ITSN1: variants seen among roughly 807,000 people sequenced by gnomAD.
ITSN1 encodes intersectin-1.
A neutral mutation model predicts 239.8 loss-of-function variants in ITSN1; 58 were observed. The observed-to-expected ratio is 0.24, with a 90% CI of 0.20 to 0.30. The LOEUF is 0.30. Ranked by LOEUF, ITSN1 falls within the 10% of genes least tolerant of loss-of-function variation. The pLI, the probability that ITSN1 is intolerant of heterozygous loss-of-function variation, is 1.00. For synonymous variants in ITSN1, 780 were observed against 770.8 expected (o/e 1.01, Z -0.20); for missense variants, 1,558 against 2,103.3 (o/e 0.74, Z 5.07).
intron 1 of ITSN1, among the ~76,000 whole-genome samples, chr21:33,657,933 C>T (rs1483724482): frequency 6.6e-6 from 1 of 152,112 alleles, no homozygotes; most frequent in Non-Finnish European, 1.5e-5. Context: ...TTACAGTGAC[C>T]TGTGGTTGTG....
At chr21:33,838,436 CTGTAATACAACCTTT>C in intron 29 of ITSN1, 1 of 983,150 alleles carries the variant, frequency 1.0e-6, no homozygotes, top group Non-Finnish European at 1.2e-6. Flanking sequence ...GCTTTAACAA[CTGTAATACAACCTTT>C]TGAATTAGTT....
In ITSN1 at chr21:33,774,857, G is replaced by A; in HGVS notation, c.1434G>A (p.Leu478=). The A allele has an allele frequency of 6.2e-7, 1 of 1,612,090 alleles. No homozygotes were observed. The change falls in exon 13 of 40, where the codon TTG becomes TTA. Residue 478 remains leucine (L), a synonymous_variant. Transcript: ENST00000381318. Reference sequence around the variant, plus strand: ...TACTGAAAGCAAAGAAAAAGACTTTGGAATTTGAATTAGAAGCTCTAGTGA... The same window carrying A: ...TACTGAAAGCAAAGAAAAAGACTTTAGAATTTGAATTAGAAGCTCTAGTGA... ...IVVLKAKKKT[L]EFELEALNDK... is the part of the protein sequence containing the mutation.
chr21:33,766,171 G>A (rs2068709370), intron 10 of ITSN1, among the ~76,000 whole-genome samples, 159 bp downstream of exon 10: 2 of 152,128 alleles, frequency 1.3e-5, no homozygotes. Context: ...TTAATCTTGG[G>A]CCCATTTTGT....
chr21:33,758,998 T>G (rs748046394), intron 8 of ITSN1, among the ~76,000 whole-genome samples: 3 of 152,240 alleles, frequency 2.0e-5, no homozygotes, highest in Non-Finnish European at 4.4e-5. Flanking sequence ...TTTGCAACAT[T>G]GATTTAGGAC....
intron 16 of ITSN1, among the ~76,000 whole-genome samples, chr21:33,785,460 T>C (rs1370589891): frequency 1.9e-5 from 2 of 105,272 alleles, no homozygotes; most frequent in African/African-American, 5.7e-5. Flanking sequence ...CACTTATACT[T>C]TCCTTTTCTT....
chr21:33,708,224 G>T (rs1334187129), intron 1 of ITSN1, among the ~76,000 whole-genome samples: 1 of 152,148 alleles, frequency 6.6e-6, no homozygotes, highest in Non-Finnish European at 1.5e-5. Flanking sequence ...TTCTTAAATT[G>T]TAAGAGTTCT....
At position 33,865,761 on chromosome 21, in the gene ITSN1, T is replaced by C. The variant is rs1287796518; in HGVS notation, c.4074+427T>C. On this transcript the variant is annotated intron_variant, in intron 32 of 39. Coordinates refer to ENST00000381318, the MANE Select transcript of ITSN1 (RefSeq NM_003024.3). The surrounding 1 kb of genome is among the most constrained non-coding windows in gnomAD (Gnocchi z 4.4). ...ACTCCCAGTGGCCCCTTCATTCCTTTCGCAGTTGGTTCTGCTTGATGTGCT... is the reference window on the plus strand; with the variant it reads ...ACTCCCAGTGGCCCCTTCATTCCTTCCGCAGTTGGTTCTGCTTGATGTGCT... Among the ~76,000 whole-genome samples the C allele has an allele frequency of 6.6e-6, 1 of 152,202 alleles. No individual in the cohort carries two copies. The highest frequency in any genetic ancestry group is 2.1e-4 in the South Asian group (1 of 4,834).
chr21:33,660,991 C>T (rs1413832923), intron 1 of ITSN1, among the ~76,000 whole-genome samples: 5 of 152,286 alleles, frequency 3.3e-5, no homozygotes, highest in Admixed American at 2.0e-4. Context: ...TGTTTGTTAT[C>T]ACCACCCATC....
chr21:33,823,389 T>G, intron 24 of ITSN1, 98 bp from the exon 25 acceptor site: 1 of 1,072,370 alleles, frequency 9.3e-7, no homozygotes, highest in Non-Finnish European at 1.4e-6. Flanking sequence ...ATGGATCTTG[T>G]CCTAACTTCC....
At chr21:33,692,454 A>G (rs973524596) in intron 1 of ITSN1, among the ~76,000 whole-genome samples, 1 of 152,122 alleles carries the variant, frequency 6.6e-6, no homozygotes, top group Non-Finnish European at 1.5e-5. Flanking sequence ...AAAATTACTC[A>G]TGGTCTTGCT....
intron 22 of ITSN1, among the ~76,000 whole-genome samples, chr21:33,816,366 A>C (rs1207056896): frequency 6.6e-6 from 1 of 152,200 alleles, no homozygotes; most frequent in East Asian, 1.9e-4. Flanking sequence ...GGATCTTACT[A>C]AACTTCCTTC....
chr21:33,738,489 CCT>C (rs1423786680), intron 5 of ITSN1, among the ~76,000 whole-genome samples: 1 of 151,746 alleles, frequency 6.6e-6, no homozygotes, highest in Non-Finnish European at 1.5e-5. Context: ...GCAACCTCCG[CCT>C]CTCGAGTTCA....
At chr21:33,701,691 A>G (rs1293313662) in intron 1 of ITSN1, among the ~76,000 whole-genome samples, 4 of 151,464 alleles carry the variant, frequency 2.6e-5, no homozygotes, top group Non-Finnish European at 5.9e-5. Context: ...GCTATTTGGG[A>G]GGCTGAGGCA....
At chr21:33,680,601 G>A (rs766520740) in intron 1 of ITSN1, among the ~76,000 whole-genome samples, 4 of 152,210 alleles carry the variant, frequency 2.6e-5, no homozygotes, top group Non-Finnish European at 5.9e-5. Context: ...AAAGTGCTGG[G>A]ATTGCAGGCG....
Position 33,834,366 on chromosome 21 carries a change from C to A in ITSN1, c.3411C>A (p.Ser1137Arg). Residue 1137 changes from serine to arginine, a missense_variant, in exon 28 of 40, where the codon AGC becomes AGA. Physicochemically the swap from Ser to Arg is moderately radical, Grantham distance 110. Coordinates refer to ENST00000381318, the MANE Select transcript of ITSN1 (RefSeq NM_003024.3). Reference sequence around the variant, plus strand: ...CAGCTAATTATGTAAAGCTTCTAAGCCCTGGGACGAGCAAAATCACTCCAA... The same window carrying A: ...CAGCTAATTATGTAAAGCTTCTAAGACCTGGGACGAGCAAAATCACTCCAA... ...WFPANYVKLL[S>R]PGTSKITPTE... 1.2e-6 allele frequency: 2 copies of A among 1,614,054 alleles called. No homozygotes were observed. The highest frequency in any genetic ancestry group is 1.7e-6 in the Non-Finnish European group (2 of 1,179,958).
intron 9 of ITSN1, among the ~76,000 whole-genome samples, chr21:33,763,685 C>T (rs964444086): frequency 1.3e-5 from 2 of 152,016 alleles, no homozygotes; most frequent in East Asian, 3.9e-4. Flanking sequence ...TGTGTACTCT[C>T]CTCAAAAGGC....
chr21:33,737,121 G>T (rs558062708), intron 5 of ITSN1, among the ~76,000 whole-genome samples: 28 of 152,276 alleles, frequency 1.8e-4, no homozygotes, highest in African/African-American at 6.7e-4. Context: ...CAAACCTGGG[G>T]TCAATAATTT....
chr21:33,855,160 G>A (rs1457490584), intron 29 of ITSN1, among the ~76,000 whole-genome samples: 2 of 152,206 alleles, frequency 1.3e-5, no homozygotes, highest in Non-Finnish European at 2.9e-5. Context: ...CTTGAGAGAA[G>A]ATGGAAACTC....
intron 1 of ITSN1, among the ~76,000 whole-genome samples, chr21:33,653,036 C>G (rs1242082883): frequency 1.3e-5 from 2 of 150,392 alleles, no homozygotes; most frequent in African/African-American, 5.0e-5. Context: ...GTTTTGTTGC[C>G]CAGGCTGGAG....
Sources: gnomAD v4.1 joint callset for allele counts (sites outside exome capture counted in the v4.1 genomes callset) on GRCh38, gnomAD v4.1.1 for gene constraint, Gnocchi (gnomAD v3.1) non-coding constraint, MANE v1.5 for transcripts, NCBI Gene and HGNC (gene_info 2026-07-23, HGNC 2026-07-21) for gene names.